The following TMEM192 variants were observed in gnomAD, a reference collection of about 807,000 sequenced individuals.
TMEM192 encodes transmembrane protein 192.
Under a neutral mutation model 26.7 loss-of-function variants are expected in TMEM192, and 20 were observed. The ratio of observed to expected loss-of-function variants is 0.75; its 90% CI spans 0.53 to 1.09. The LOEUF (loss-of-function observed/expected upper bound fraction) is 1.09, where lower values mean the gene tolerates loss of function less well. Among genes scored for constraint, TMEM192 ranks in the 50% least tolerant of loss-of-function variants. The probability of loss-of-function intolerance (pLI) is 0.00; values close to 1 mark genes in which losing one functional copy is unlikely to be tolerated. For synonymous variants in TMEM192, 124 were observed against 121.0 expected, an observed-to-expected ratio of 1.02 and a Z score of -0.16; for missense variants, 304 against 322.6, an observed-to-expected ratio of 0.94 and a Z score of 0.44.
intron 1 of TMEM192, among the ~76,000 whole-genome samples, chr4:165,104,905 G>T (rs913023889): frequency 2.0e-5 from 3 of 152,126 alleles, no homozygotes; most frequent in Admixed American, 1.3e-4. Flanking sequence ...GATTACTCCT[G>T]TTCTCTTCAA....
At chr4:165,103,963 C>T (rs1001040261) in intron 1 of TMEM192, among the ~76,000 whole-genome samples, 3 of 152,106 alleles carry the variant, frequency 2.0e-5, no homozygotes, top group African/African-American at 4.8e-5. Flanking sequence ...CCACAGTGCC[C>T]GGCCCCAGGC....
At position 165,075,403 on chromosome 4, in the gene TMEM192, C is replaced by T. The variant is rs1425218241; in HGVS notation, c.*4255G>A. 1 of 151,688 alleles carries T rather than the reference C, an allele frequency of 6.6e-6. No individual in the cohort carries two copies. Among genetic ancestry groups the T allele is most frequent in the Non-Finnish European group, 1.5e-5 (1 of 67,946 alleles). 9.4% of individuals were successfully genotyped at this position (151,688 alleles called of 1,614,324 possible). A position where few individuals can be genotyped will look rare whatever the true frequency, so the allele number is the denominator to read the frequency against. ...GGGATTACAGGCGCGCACCACCACACCCAGCTAATGTTGCTAATATTTTTG... is the reference window on the plus strand; with the variant it reads ...GGGATTACAGGCGCGCACCACCACATCCAGCTAATGTTGCTAATATTTTTG... On this transcript the variant is annotated 3_prime_UTR_variant, in exon 6 of 6. Coordinates refer to ENST00000306480, the MANE Select transcript of TMEM192 (RefSeq NM_001100389.2).
rs1405617762 is a variant in TMEM192 at position 165,103,105 on chromosome 4, C to T, written c.28-9G>A. 4 of 1,589,790 alleles carry T rather than the reference C, an allele frequency of 2.5e-6. No homozygotes were observed. The highest frequency in any genetic ancestry group is 1.2e-5 in the South Asian group (1 of 86,672). On this transcript the variant is annotated splice_polypyrimidine_tract_variant and intron_variant, in intron 1 of 5. Transcript: ENST00000306480. Reference sequence around the variant, plus strand: ...GTGATATCCAAGGAACCCTGGGGTGCAGAAAAACAAGCAACCTATAATCAC... The same window carrying T: ...GTGATATCCAAGGAACCCTGGGGTGTAGAAAAACAAGCAACCTATAATCAC...
At chr4:165,089,568 C>T (rs1734705630) in intron 3 of TMEM192, among the ~76,000 whole-genome samples, 3 of 152,090 alleles carry the variant, frequency 2.0e-5, no homozygotes, top group Admixed American at 1.3e-4. Flanking sequence ...CGTGATCGGC[C>T]CGCCTCGGCC....
In TMEM192 at chr4:165,079,096, T is replaced by C. The variant is rs1734457528; in HGVS notation, c.*562A>G. 1 of 152,252 alleles carries C rather than the reference T, an allele frequency of 6.6e-6. No homozygotes were observed. Among genetic ancestry groups the C allele is most frequent in the Non-Finnish European group, 1.5e-5 (1 of 68,062 alleles). The allele number at this position is 152,252 out of a possible 1,614,324, so 9.4% of individuals were successfully genotyped here. A position where few individuals can be genotyped will look rare whatever the true frequency, so the allele number is the denominator to read the frequency against. On this transcript the variant is annotated 3_prime_UTR_variant, in exon 6 of 6. Coordinates refer to ENST00000306480, the MANE Select transcript of TMEM192 (RefSeq NM_001100389.2). ...GTAGGAATTTGCATAGTAGATCACC[T>C]GGTGAGACCTCAGTCCTATGGTGAG...
chr4:165,089,117 T>C (rs897030830), intron 3 of TMEM192, among the ~76,000 whole-genome samples: 3 of 149,432 alleles, frequency 2.0e-5, no homozygotes, highest in African/African-American at 7.4e-5. Flanking sequence ...TTAGGTTTGA[T>C]GAAGAATGGA....
chr4:165,080,233 C>T (rs2111259285), intron 5 of TMEM192, among the ~76,000 whole-genome samples: 1 of 152,138 alleles, frequency 6.6e-6, no homozygotes, highest in South Asian at 2.1e-4. Flanking sequence ...TGCATTTCTC[C>T]TTTTTTCTCC....
chr4:165,073,650 G>A lies in TMEM192; in HGVS notation c.*6008C>T, dbSNP rs1018637265. Reference sequence around the variant, plus strand: ...TCCTGCTCGTCCCTGGGAATGGAATGTCTCGGTGTAAAGCTGACCATTCCC... The same window carrying A: ...TCCTGCTCGTCCCTGGGAATGGAATATCTCGGTGTAAAGCTGACCATTCCC... On this transcript the variant is annotated 3_prime_UTR_variant, in exon 6 of 6. Transcript: ENST00000306480. 5.9e-5 allele frequency: 9 copies of A among 152,276 alleles called. No homozygotes were observed. The highest frequency in any genetic ancestry group is 1.7e-4 in the African/African-American group (7 of 41,432). The allele number at this position is 152,276 out of a possible 1,614,324, so 9.4% of individuals were successfully genotyped here.
intron 1 of TMEM192, among the ~76,000 whole-genome samples, 168 bp from the exon 2 acceptor site, chr4:165,103,264 A>AT (rs1320440584): frequency 1.3e-5 from 2 of 152,000 alleles, no homozygotes; most frequent in Admixed American, 6.6e-5. Context: ...ATTTAATTTA[A>AT]TTAATTAAAA....
At chr4:165,087,258 T>C (rs907271692) in intron 4 of TMEM192, among the ~76,000 whole-genome samples, 2 of 152,034 alleles carry the variant, frequency 1.3e-5, no homozygotes, top group African/African-American at 4.8e-5. Flanking sequence ...GAATAAGAAA[T>C]ATGAATCAGT....
intron 4 of TMEM192, among the ~76,000 whole-genome samples, chr4:165,086,372 A>T (rs773051568): frequency 2.0e-5 from 3 of 150,980 alleles, no homozygotes; most frequent in Non-Finnish European, 4.4e-5. Context: ...GAAGATAGGC[A>T]GAGAATGCAT....
intron 1 of TMEM192, among the ~76,000 whole-genome samples, chr4:165,111,947 C>T (rs1735300707): frequency 6.6e-6 from 1 of 152,178 alleles, no homozygotes; most frequent in African/African-American, 2.4e-5. Context: ...AGTGGAAAAT[C>T]CAGTTAACTC....
At chr4:165,081,550 ATT>A (rs202015298) in intron 5 of TMEM192, among the ~76,000 whole-genome samples, 2 of 33,500 alleles carry the variant, frequency 6.0e-5, no homozygotes, top group African/African-American at 5.2e-5. Flanking sequence ...CGCCCGGCTA[ATT>A]TTTTTTTTTT....
intron 5 of TMEM192, among the ~76,000 whole-genome samples, chr4:165,084,745 C>T (rs1734571284): frequency 6.7e-6 from 1 of 150,036 alleles, no homozygotes; most frequent in Non-Finnish European, 1.5e-5. Flanking sequence ...CTTGTCGCTA[C>T]TAAAAATACA....
chr4:165,095,746 C>T (rs1578907267), intron 3 of TMEM192, among the ~76,000 whole-genome samples: 1 of 152,020 alleles, frequency 6.6e-6, no homozygotes, highest in South Asian at 2.1e-4. Context: ...AAATATGCAA[C>T]TTGGCTATGT....
Position 165,085,192 on chromosome 4 carries a change from G to T in TMEM192, c.677+394C>A, listed in dbSNP as rs1191781912. ...GGAGGCTGAGGCAGGAGAATCGCTT[G>T]AAACTGGGAGGTGGAGACTACGGTG... is the stretch of plus-strand genomic sequence containing the variant. On this transcript the variant is annotated intron_variant, in intron 5 of 5. Transcript: ENST00000306480. Among the ~76,000 whole-genome samples the T allele has an allele frequency of 2.0e-5, 3 of 147,384 alleles. No individual in the cohort carries two copies. In the East Asian group the frequency reaches 6.3e-4, roughly 31 times the overall value.
At chr4:165,092,139 T>TTTTA (rs1734781007) in intron 3 of TMEM192, among the ~76,000 whole-genome samples, 1 of 123,276 alleles carries the variant, frequency 8.1e-6, no homozygotes, top group Non-Finnish European at 1.7e-5. Context: ...TTTTTTTTTT[T>TTTTA]GAGATGGAGT....
intron 3 of TMEM192, among the ~76,000 whole-genome samples, chr4:165,090,217 A>AG (rs1560928839): frequency 3.5e-5 from 5 of 144,108 alleles, no homozygotes; most frequent in Non-Finnish European, 7.5e-5. Context: ...GTCTTGGAAA[A>AG]AAAAAAAAAA....
chr4:165,100,776 G>T lies in TMEM192; in HGVS notation c.291C>A (p.Ile97=). 6.2e-7 allele frequency: 1 copy of T among 1,614,050 alleles called. No individual in the cohort carries two copies. The highest frequency in any genetic ancestry group is 8.5e-7 in the Non-Finnish European group (1 of 1,180,018). The stretch of plus-strand genomic sequence containing the variant: ...GAATCCACAAAATAACTTTCCCAAG[G>T]ATTATAACCGTCTGAACTTTCAATG... ...TNPLKVQTVI[I]LGKVILWILH... The change falls in exon 3 of 6, where the codon ATC becomes ATA. Residue 97 remains isoleucine, a synonymous_variant. Transcript: ENST00000306480.
Sources: allele counts gnomAD v4.1 joint callset (sites outside exome capture counted in the v4.1 genomes callset), GRCh38; gene constraint gnomAD v4.1.1; transcripts MANE v1.5; gene names NCBI Gene and HGNC (gene_info 2026-07-23, HGNC 2026-07-21).